The following EPHA6 variants were observed in gnomAD, a reference collection of about 807,000 sequenced individuals.
EPHA6 encodes the protein EPH receptor A6, also known as ephrin type-A receptor 6.
EPHA6 carries 50 observed loss-of-function variants against 112.0 expected under a neutral mutation model. The ratio of observed to expected loss-of-function variants is 0.45; its 90% CI spans 0.36 to 0.56. EPHA6 has a LOEUF of 0.56. Ranked by LOEUF, EPHA6 falls within the 20% of genes least tolerant of loss-of-function variation. The pLI is 0.00. For synonymous variants in EPHA6, 529 were observed against 490.7 expected, an observed-to-expected ratio of 1.08 and a Z score of -1.03; for missense variants, 1,280 against 1,417.4, an observed-to-expected ratio of 0.90 and a Z score of 1.56.
intron 1 of EPHA6, among the ~76,000 whole-genome samples, chr3:96,852,359 G>T (rs905039734): frequency 6.6e-6 from 1 of 151,978 alleles, no homozygotes; most frequent in Non-Finnish European, 1.5e-5. Context: ...AGCCCAGAAG[G>T]CAGGGGTTGC....
At chr3:97,745,117 T>A (rs1263225315) in intron 16 of EPHA6, among the ~76,000 whole-genome samples, 1 of 151,958 alleles carries the variant, frequency 6.6e-6, no homozygotes, top group Non-Finnish European at 1.5e-5. Context: ...TCTTACATAT[T>A]TACAATGCAC....
intron 1 of EPHA6, among the ~76,000 whole-genome samples, chr3:96,828,866 C>CCT (rs2033835138): frequency 1.3e-5 from 2 of 152,134 alleles, no homozygotes; most frequent in Admixed American, 6.6e-5. Flanking sequence ...TTTTTAGCAA[C>CCT]CAGATAATTA....
chr3:97,315,549 A>C (rs2081785234), intron 5 of EPHA6, among the ~76,000 whole-genome samples: 1 of 151,686 alleles, frequency 6.6e-6, no homozygotes, highest in Non-Finnish European at 1.5e-5. Context: ...AGAATCAAAT[A>C]ATTTGAAATA....
chr3:97,010,882 A>G (rs1011163268), intron 3 of EPHA6, among the ~76,000 whole-genome samples: 1 of 152,178 alleles, frequency 6.6e-6, no homozygotes, highest in African/African-American at 2.4e-5. Context: ...AGAGGATTTC[A>G]TATTTATTTG....
intron 14 of EPHA6, among the ~76,000 whole-genome samples, chr3:97,700,848 G>T (rs181571989): frequency 3.4e-4 from 52 of 152,292 alleles, no homozygotes; most frequent in African/African-American, 1.2e-3. Flanking sequence ...ATTAGATGTG[G>T]TTTTTCAGAG....
intron 3 of EPHA6, among the ~76,000 whole-genome samples, chr3:97,073,820 T>C (rs1451649034): frequency 6.6e-6 from 1 of 152,072 alleles, no homozygotes; most frequent in Non-Finnish European, 1.5e-5. Flanking sequence ...GTCTCTCCTT[T>C]GTTAAAACTT....
At chr3:97,681,226 C>T (rs2031836002) in intron 14 of EPHA6, among the ~76,000 whole-genome samples, 1 of 152,034 alleles carries the variant, frequency 6.6e-6, no homozygotes, top group South Asian at 2.1e-4. Context: ...TTTATAATAT[C>T]CAGAGCTGGC....
intron 14 of EPHA6, among the ~76,000 whole-genome samples, chr3:97,641,910 A>G (rs375992924): frequency 2.0e-5 from 3 of 151,328 alleles, no homozygotes; most frequent in African/African-American, 4.8e-5. Context: ...CAAAGCAGCC[A>G]GGAAGCTCGA....
At chr3:97,472,337 C>G (rs901900313) in intron 7 of EPHA6, among the ~76,000 whole-genome samples, 2 of 151,262 alleles carry the variant, frequency 1.3e-5, no homozygotes, top group East Asian at 3.9e-4. Flanking sequence ...GGGGACCTAC[C>G]CAAATCTAAA....
intron 3 of EPHA6, among the ~76,000 whole-genome samples, chr3:97,170,656 G>A (rs2076674133): frequency 6.6e-6 from 1 of 152,064 alleles, no homozygotes; most frequent in Admixed American, 6.6e-5. Flanking sequence ...AGAATTGCCT[G>A]AGCCCAGGAG....
intron 10 of EPHA6, among the ~76,000 whole-genome samples, chr3:97,511,064 CT>C (rs754925915): frequency 3.9e-5 from 6 of 152,180 alleles, no homozygotes; most frequent in Admixed American, 2.6e-4. Context: ...CATCAGACTG[CT>C]GTCCTGGCAG....
chr3:97,596,110 T>G (rs1469358010), intron 12 of EPHA6, among the ~76,000 whole-genome samples: 2 of 151,736 alleles, frequency 1.3e-5, no homozygotes, highest in Non-Finnish European at 3.0e-5. Context: ...TTTCACTGTG[T>G]TAGCCAGGAT....
rs1479170696 is a variant in EPHA6, at chr3:97,343,114, T to A, written c.1607-62036T>A. ...GCTCAAGGTAAAAAGAAGAAAGCTGTAGAGAAAGCCTCTGTCATCTTAGAG... is the reference window on the plus strand; with the variant it reads ...GCTCAAGGTAAAAAGAAGAAAGCTGAAGAGAAAGCCTCTGTCATCTTAGAG... On this transcript the variant is annotated intron_variant, in intron 5 of 17. Coordinates refer to ENST00000389672, the MANE Select transcript of EPHA6 (RefSeq NM_001080448.3). Among the ~76,000 whole-genome samples, 10 of 152,188 alleles carry A rather than the reference T, an allele frequency of 6.6e-5. No individual in the cohort carries two copies. In the East Asian group the frequency reaches 1.7e-3, roughly 26 times the overall value.
At chr3:97,107,564 T>C (rs1394405307) in intron 3 of EPHA6, among the ~76,000 whole-genome samples, 1 of 152,198 alleles carries the variant, frequency 6.6e-6, no homozygotes, top group Non-Finnish European at 1.5e-5. Context: ...CGTAACTGAC[T>C]AATTTCTAAC....
At chr3:97,480,235 A>AT (rs756776169) in intron 9 of EPHA6, among the ~76,000 whole-genome samples, 12 of 149,468 alleles carry the variant, frequency 8.0e-5, no homozygotes, top group South Asian at 4.3e-4. Flanking sequence ...TTATTTATTT[A>AT]TTTTTTTTAG....
chr3:97,154,489 A>G (rs1279141354), intron 3 of EPHA6, among the ~76,000 whole-genome samples: 1 of 152,144 alleles, frequency 6.6e-6, no homozygotes, highest in Non-Finnish European at 1.5e-5. Context: ...TTATGATTCA[A>G]ACATTTCAAA....
chr3:96,868,028 A>G (rs1275977984), intron 2 of EPHA6, among the ~76,000 whole-genome samples: 1 of 151,974 alleles, frequency 6.6e-6, no homozygotes, highest in East Asian at 1.9e-4. Context: ...AACTAGGATT[A>G]TGCTTTTATC....
intron 2 of EPHA6, among the ~76,000 whole-genome samples, chr3:96,983,376 T>C (rs947183279): frequency 3.3e-5 from 5 of 152,220 alleles, no homozygotes; most frequent in Admixed American, 2.0e-4. Flanking sequence ...TGTTGAATAT[T>C]GGCCCCCACT....
chr3:96,987,915 G>A lies in EPHA6; in HGVS notation c.1036G>A (p.Ala346Thr), dbSNP rs774957865. The change falls in exon 3 of 18, where the codon GCT becomes ACT. Residue 346 changes from alanine to threonine, a missense_variant. By Grantham distance (58) the Ala-to-Thr change is moderately conservative (BLOSUM62 0). This residue lies in a region of EPHA6 where 878 missense variants were observed against 999.7 expected (regional missense o/e 0.88). Transcript: ENST00000389672. ...ERDTPKLYCG[A>T]DGDWLVPLGR... ...TGACACTCCTAAACTGTATTGTGGAGCTGATGGAGATTGGCTGGTTCCTCT... is the reference window on the plus strand; with the variant it reads ...TGACACTCCTAAACTGTATTGTGGAACTGATGGAGATTGGCTGGTTCCTCT... 13 of 1,613,374 alleles carry A rather than the reference G, an allele frequency of 8.1e-6. No individual in the cohort carries two copies. Among genetic ancestry groups the A allele is most frequent in the Admixed American group, 3.3e-5 (2 of 59,970 alleles).
Sources: allele counts gnomAD v4.1 joint callset (sites outside exome capture counted in the v4.1 genomes callset), GRCh38; gene constraint gnomAD v4.1.1; regional missense constraint gnomAD v4.1.1; transcripts MANE v1.5; gene names NCBI Gene and HGNC (gene_info 2026-07-23, HGNC 2026-07-21).